CD1E: variants seen among roughly 807,000 people sequenced by gnomAD.
The protein encoded by CD1E is T-cell surface glycoprotein CD1e, membrane-associated.
CD1E carries 49 observed loss-of-function variants against 40.1 expected under a neutral mutation model. The observed-to-expected ratio is 1.22, with a 90% CI of 0.97 to 1.55. The LOEUF is 1.55. CD1E is among the 40% of genes most tolerant of loss of function. The pLI, the probability that CD1E is intolerant of heterozygous loss-of-function variation, is 0.00. For missense variants in CD1E, 492 were observed against 471.3 expected, an observed-to-expected ratio of 1.04 and a Z score of -0.41; for synonymous variants, 189 against 178.3, an observed-to-expected ratio of 1.06 and a Z score of -0.48.
rs771719937 is a variant in CD1E, at chr1:158,354,712, C to T, written c.355+39C>T. On this transcript the variant is annotated intron_variant, in intron 2 of 5. Transcript: ENST00000368167. The stretch of plus-strand genomic sequence containing the variant: ...TCTAAGCTGATAATTTGCCTGGGAA[C>T]ACCAACTATTTTCCAAAGTGGAAGA... 3.2e-6 allele frequency: 5 copies of T among 1,558,612 alleles called. No individual in the cohort carries two copies. The Admixed American group carries it at 8.8e-5, about 27-fold the overall frequency.
Position 158,356,021 on chromosome 1 carries a change from G to A in CD1E, c.820G>A (p.Asp274Asn). The A allele has an allele frequency of 6.2e-7, 1 of 1,614,132 alleles. No individual in the cohort carries two copies. Among genetic ancestry groups the A allele is most frequent in the Non-Finnish European group, 8.5e-7 (1 of 1,180,016 alleles). Residue 274 changes from aspartate (D) to asparagine (N), a missense_variant, in exon 4 of 6, where the codon GAT (aspartate) becomes AAT (asparagine). Asp to Asn is a conservative substitution (Grantham distance 23, BLOSUM62 1). Transcript: ENST00000368167. ...GACATGGTATCTCCGAGCAACCCTG[G>A]ATGTGGCGGCTGGGGAGGCAGCTGG... ...DETWYLRATL[D>N]VAAGEAAGLS...
rs1029235720 is a variant in CD1E at position 158,356,360 on chromosome 1, A to G, written c.905-138A>G. The G allele has an allele frequency of 8.7e-6, 7 of 801,258 alleles. No individual in the cohort carries two copies. In the African/African-American group the frequency reaches 1.2e-4, roughly 14 times the overall value. 49.6% of individuals were successfully genotyped at this position (801,258 alleles called of 1,614,324 possible). On this transcript the variant is annotated intron_variant, in intron 4 of 5. Coordinates refer to ENST00000368167, the MANE Select transcript of CD1E (RefSeq NM_030893.4). Reference sequence around the variant, plus strand: ...GTTGGGAGGAGATCACAGACAAAGGATCAGGAGGAATTGAAATGAGGGCTT... The same window carrying G: ...GTTGGGAGGAGATCACAGACAAAGGGTCAGGAGGAATTGAAATGAGGGCTT...
At chr1:158,355,771 C>T (rs1190023615) in intron 3 of CD1E, 56 bp from the exon 4 acceptor site, 10 of 1,536,960 alleles carry the variant, frequency 6.5e-6, no homozygotes, top group Admixed American at 4.3e-5. Context: ...AGTCTCTGAG[C>T]TCTGGCCTGG....
rs1453201541 is a variant in CD1E, at chr1:158,355,843, G to A, written c.642G>A (p.Trp214Ter). ...TCTTCCTAGTGAAGCCAGAGGCCTG[G>A]CTGTCCTGTGGCCCCAGTCCTGGCC... Reference protein sequence around the residue: ...ELKRKVKPEAWLSCGPSPGPG... With the variant: ...ELKRKVKPEA The change falls in exon 4 of 6, where the codon TGG (tryptophan) becomes TGA (stop). Residue 214 changes from tryptophan to a stop codon, truncating the protein, a stop_gained. Transcript: ENST00000368167. LOFTEE classifies it high-confidence loss of function. The A allele has an allele frequency of 6.2e-7, 1 of 1,613,230 alleles. No individual in the cohort carries two copies. Among genetic ancestry groups the A allele is most frequent in the South Asian group, 1.1e-5 (1 of 91,018 alleles).
Position 158,357,279 on chromosome 1 carries a change from T to C in CD1E, c.*383T>C, listed in dbSNP as rs896684481. The C allele has an allele frequency of 5.9e-6, 1 of 169,250 alleles. No individual in the cohort carries two copies. The highest frequency in any genetic ancestry group is 1.3e-5 in the Non-Finnish European group (1 of 78,476). The allele number at this position is 169,250 out of a possible 1,614,324, so 10.5% of individuals were successfully genotyped here. Reference sequence around the variant, plus strand: ...CAGTTGCTTGAAAGTAGGATTTAGGTATTTGTGTCTGTATTCATGACCAAA... The same window carrying C: ...CAGTTGCTTGAAAGTAGGATTTAGGCATTTGTGTCTGTATTCATGACCAAA... On this transcript the variant is annotated 3_prime_UTR_variant, in exon 6 of 6. Coordinates refer to ENST00000368167, the MANE Select transcript of CD1E (RefSeq NM_030893.4).
At chr1:158,354,118 C>G in intron 1 of CD1E, 72 bp downstream of exon 1, 1 of 1,348,122 alleles carries the variant, frequency 7.4e-7, no homozygotes, top group Non-Finnish European at 1.1e-6. Context: ...CTGGGGAGGT[C>G]CTGGGGGAAG....
Position 158,355,157 on chromosome 1 carries a change from C to G in CD1E, c.356-143C>G. 7.2e-6 allele frequency: 5 copies of G among 695,888 alleles called. No homozygotes were observed. In the South Asian group the frequency reaches 9.7e-5, roughly 14 times the overall value. The allele number at this position is 695,888 out of a possible 1,614,324, so 43.1% of individuals were successfully genotyped here. A position where few individuals can be genotyped will look rare whatever the true frequency, so the allele number is the denominator to read the frequency against. ...TTCAAATTTTCTTCCCACAAATTTT[C>G]TTCCCCTTTGCCAGTAAACTCTAGT... On this transcript the variant is annotated intron_variant, in intron 2 of 5. Coordinates refer to ENST00000368167, the MANE Select transcript of CD1E (RefSeq NM_030893.4).
intron 4 of CD1E, 135 bp downstream of exon 4, chr1:158,356,240 G>A (rs1557839437): frequency 9.5e-7 from 1 of 1,052,962 alleles, no homozygotes; most frequent in African/African-American, 1.6e-5. Context: ...AAGAAGGATA[G>A]AGTATGACAG....
At chr1:158,356,132 G>A in intron 4 of CD1E, 27 bp downstream of exon 4, 1 of 1,611,472 alleles carries the variant, frequency 6.2e-7, no homozygotes, top group Non-Finnish European at 8.5e-7. Flanking sequence ...GCTCTGCTGG[G>A]AAATAATGAA....
Position 158,357,284 on chromosome 1 carries a change from G to T in CD1E, c.*388G>T. ...GCTTGAAAGTAGGATTTAGGTATTT[G>T]TGTCTGTATTCATGACCAAAAATCT... On this transcript the variant is annotated 3_prime_UTR_variant, in exon 6 of 6. Transcript: ENST00000368167. 6.1e-6 allele frequency: 1 copy of T among 164,344 alleles called. No homozygotes were observed. The highest frequency in any genetic ancestry group is 5.9e-5 in the Admixed American group (1 of 16,844). The allele number at this position is 164,344 out of a possible 1,614,324, so 10.2% of individuals were successfully genotyped here. A position where few individuals can be genotyped will look rare whatever the true frequency, so the allele number is the denominator to read the frequency against.
At chr1:158,356,354 C>T (rs1426506004) in intron 4 of CD1E, 144 bp from the exon 5 acceptor site, 1 of 791,186 alleles carries the variant, frequency 1.3e-6, no homozygotes. Context: ...AGATCACAGA[C>T]AAAGGATCAG....
chr1:158,354,092 G>A, intron 1 of CD1E, 46 bp downstream of exon 1: 1 of 1,539,042 alleles, frequency 6.5e-7, no homozygotes, highest in Non-Finnish European at 9.0e-7. Flanking sequence ...GGGCACCAGA[G>A]GGCTGAGAGG....
At chr1:158,355,187 A>T in intron 2 of CD1E, 113 bp from the exon 3 acceptor site, 1 of 1,036,106 alleles carries the variant, frequency 9.7e-7, no homozygotes. Flanking sequence ...TCTAGTCTCC[A>T]TATGATTTCC....
At chr1:158,356,453 A>G (rs539062714) in intron 4 of CD1E, 45 bp from the exon 5 acceptor site, 3 of 1,418,890 alleles carry the variant, frequency 2.1e-6, no homozygotes, top group African/African-American at 1.4e-5. Flanking sequence ...AGCTTGGTGG[A>G]ATAGAGTATT....
Position 158,355,495 on chromosome 1 carries a change from G to T in CD1E, c.551G>T (p.Ser184Ile), listed in dbSNP as rs1468097188. ...CTAGATATTAAGGAAATACTGCAAA[G>T]CCTTCTTGGTCACACCTGCCCTCGA... Reference protein sequence around the residue: ...RYLDIKEILQSLLGHTCPRFL... With the variant: ...RYLDIKEILQILLGHTCPRFL... The change falls in exon 3 of 6, where the codon AGC becomes ATC. Residue 184 changes from serine (S) to isoleucine (I), a missense_variant. Transcript: ENST00000368167. 1.9e-6 allele frequency: 3 copies of T among 1,614,156 alleles called. No individual in the cohort carries two copies. The highest frequency in any genetic ancestry group is 1.7e-5 in the Admixed American group (1 of 60,010).
Position 158,356,060 on chromosome 1 carries a change from G to T in CD1E, c.859G>T (p.Val287Leu). 3.1e-6 allele frequency: 5 copies of T among 1,613,972 alleles called. No individual in the cohort carries two copies. The highest frequency in any genetic ancestry group is 1.7e-5 in the Admixed American group (1 of 60,010). Residue 287 changes from valine to leucine, a missense_variant, in exon 4 of 6, where the codon GTG becomes TTG. By Grantham distance (32) the Val-to-Leu change is conservative (BLOSUM62 1). Transcript: ENST00000368167. ...AGEAAGLSCRVKHSSLGGHDL... is the reference protein window; with the variant it reads ...AGEAAGLSCRLKHSSLGGHDL... ...GGAGGCAGCTGGCCTGTCCTGTCGG[G>T]TGAAACACAGCAGTCTAGGGGGCCA...
At position 158,357,144 on chromosome 1, in the gene CD1E, G is replaced by A; in HGVS notation, c.*248G>A. ...CATGGATTCCCGAGATCACCCAATT[G>A]ATAGCTCTTCTGTACTCCCCAAATT... On this transcript the variant is annotated 3_prime_UTR_variant, in exon 6 of 6. Coordinates refer to ENST00000368167, the MANE Select transcript of CD1E (RefSeq NM_030893.4). The A allele has an allele frequency of 7.3e-6, 3 of 413,242 alleles. No individual in the cohort carries two copies. The highest frequency in any genetic ancestry group is 1.3e-5 in the Non-Finnish European group (3 of 228,258). 25.6% of individuals were successfully genotyped at this position (413,242 alleles called of 1,614,324 possible).
At chr1:158,354,195 T>C in intron 1 of CD1E, 149 bp downstream of exon 1, 1 of 908,402 alleles carries the variant, frequency 1.1e-6, no homozygotes, top group Admixed American at 2.4e-5. Flanking sequence ...AGAGAATTCT[T>C]GCTCTCAGTC....
In CD1E at chr1:158,355,347, CA is replaced by C; in HGVS notation, c.406del (p.Ile136SerfsTer3). 6.2e-7 allele frequency: 1 copy of C among 1,613,974 alleles called. No homozygotes were observed. The highest frequency in any genetic ancestry group is 8.5e-7 in the Non-Finnish European group (1 of 1,179,872). On this transcript the variant is annotated frameshift_variant, in exon 3 of 6. Transcript: ENST00000368167. LOFTEE classifies it high-confidence loss of function. ...ILAGCRMNAP[Q>X]IFLNMAYQGS... ...AGCTGGCTGTAGAATGAATGCCCCA[CA>C]AATCTTCTTAAATATGGCATATCAA...
Sources: allele counts gnomAD v4.1 joint callset, GRCh38; gene constraint gnomAD v4.1.1; transcripts MANE v1.5; gene names NCBI Gene and HGNC (gene_info 2026-07-23, HGNC 2026-07-21).